DNAH1: variants seen among roughly 807,000 people sequenced by gnomAD.
DNAH1 encodes the protein dynein axonemal heavy chain 1.
In DNAH1, 327 loss-of-function variants were observed where a neutral mutation model predicts 484.3. The ratio of observed to expected loss-of-function variants is 0.68; its 90% CI spans 0.62 to 0.74. DNAH1 has a LOEUF of 0.74. Ranked by LOEUF, DNAH1 falls within the 30% of genes least tolerant of loss-of-function variation. The probability of loss-of-function intolerance (pLI) is 0.00; values close to 1 mark genes in which losing one functional copy is unlikely to be tolerated. For missense variants in DNAH1, 5,052 were observed against 5,546.8 expected (o/e 0.91, Z 2.83); for synonymous variants, 2,192 against 2,191.9 (o/e 1.00, Z 0.00).
chr3:52,378,565 CT>C (rs2153225031), intron 46 of DNAH1, 36 bp from the exon 47 acceptor site: 1 of 1,605,268 alleles, frequency 6.2e-7, no homozygotes, highest in East Asian at 2.2e-5. Flanking sequence ...GAGGGAGCTC[CT>C]GGCATGTGAC....
Position 52,345,441 on chromosome 3 carries a change from C to T in DNAH1, c.1445-54C>T, listed in dbSNP as rs1487468173. The T allele has an allele frequency of 1.0e-5, 15 of 1,467,046 alleles. No individual in the cohort carries two copies. In the Admixed American group the frequency reaches 1.2e-4, roughly 12 times the overall value. The allele number at this position is 1,467,046 out of a possible 1,614,324, so 90.9% of individuals were successfully genotyped here. A position where few individuals can be genotyped will look rare whatever the true frequency, so the allele number is the denominator to read the frequency against. ...AAGCACCCTGTGGATCTGTCCTGTC[C>T]CCTGGTTTGGCCAGGCAGGGTCTGA... is the stretch of plus-strand genomic sequence containing the variant. On this transcript the variant is annotated intron_variant, in intron 9 of 77. Transcript: ENST00000420323.
In DNAH1 at chr3:52,393,302, C is replaced by T. The variant is rs1027339285; in HGVS notation, c.10475-32C>T. On this transcript the variant is annotated intron_variant, in intron 65 of 77. Coordinates refer to ENST00000420323, the MANE Select transcript of DNAH1 (RefSeq NM_015512.5). ...CCGGGGCTCTTCCTTCCTCTCACCTCTCCGCGCTGCCATCACTTCTCCACT... is the reference window on the plus strand; with the variant it reads ...CCGGGGCTCTTCCTTCCTCTCACCTTTCCGCGCTGCCATCACTTCTCCACT... 5 of 1,611,664 alleles carry T rather than the reference C, an allele frequency of 3.1e-6. No individual in the cohort carries two copies. The East Asian group carries it at 1.1e-4, about 36-fold the overall frequency.
chr3:52,312,564 G>A (rs1700816395), upstream of DNAH1, among the ~76,000 whole-genome samples: 1 of 150,656 alleles, frequency 6.6e-6, no homozygotes, highest in Admixed American at 6.6e-5. Context: ...TCTGTCTCCT[G>A]GGTTCAGGCA....
At chr3:52,400,284 T>C (rs1578214105) in intron 77 of DNAH1, 41 bp from the exon 78 acceptor site, 1 of 1,611,562 alleles carries the variant, frequency 6.2e-7, no homozygotes, top group South Asian at 1.1e-5. Context: ...CTAGTAGTAA[T>C]AGGGCATGAC....
In DNAH1 at chr3:52,361,553, G is replaced by T. The variant is rs945497419; in HGVS notation, c.4875-108G>T. ...GTTGAAGACTGAGCTGATGGAGATT[G>T]CCCCTGAGGGCTTCCTCCCAAGTGG... On this transcript the variant is annotated intron_variant, in intron 29 of 77. Transcript: ENST00000420323. The surrounding 1 kb of genome is among the most constrained non-coding windows in gnomAD (Gnocchi z 5.6). The T allele has an allele frequency of 1.6e-5, 21 of 1,309,404 alleles. No individual in the cohort carries two copies. The highest frequency in any genetic ancestry group is 2.2e-5 in the Non-Finnish European group (21 of 944,922). 81.1% of individuals were successfully genotyped at this position (1,309,404 alleles called of 1,614,324 possible).
In DNAH1 at chr3:52,364,538, G is replaced by T; in HGVS notation, c.5245-100G>T. On this transcript the variant is annotated intron_variant, in intron 32 of 77. Coordinates refer to ENST00000420323, the MANE Select transcript of DNAH1 (RefSeq NM_015512.5). This position sits in a 1 kb window ranked among gnomAD's most constrained non-coding sequence, Gnocchi z 4.2. ...TGCAAGGGAAGTGCTATGAGCTGGT[G>T]ATGAGACTTGGCCAACTGCCAGGTG... 2 of 1,335,100 alleles carry T rather than the reference G, an allele frequency of 1.5e-6. No individual in the cohort carries two copies. The highest frequency in any genetic ancestry group is 2.1e-6 in the Non-Finnish European group (2 of 930,272). 82.7% of individuals were successfully genotyped at this position (1,335,100 alleles called of 1,614,324 possible). A position where few individuals can be genotyped will look rare whatever the true frequency, so the allele number is the denominator to read the frequency against.
At chr3:52,344,352 T>C (rs1578106732) in intron 8 of DNAH1, 138 bp from the exon 9 acceptor site, 1 of 1,026,530 alleles carries the variant, frequency 9.7e-7, no homozygotes. Flanking sequence ...CAGGGCCGGG[T>C]GGGGGTGTGC....
intron 26 of DNAH1, among the ~76,000 whole-genome samples, chr3:52,359,609 C>T (rs1355546490): frequency 1.3e-5 from 2 of 152,216 alleles, no homozygotes; most frequent in African/African-American, 2.4e-5. Context: ...GGGAGCCACG[C>T]GCCTGGTCCC....
intron 60 of DNAH1, among the ~76,000 whole-genome samples, chr3:52,389,942 T>C (rs1421859968): frequency 6.6e-6 from 1 of 152,242 alleles, no homozygotes; most frequent in Middle Eastern, 3.4e-3. Context: ...TGAAACCCCC[T>C]CTCTACTAAA....
At chr3:52,334,582 A>T (rs11706179) in intron 8 of DNAH1, among the ~76,000 whole-genome samples, 4 of 152,158 alleles carry the variant, frequency 2.6e-5, no homozygotes, top group African/African-American at 4.8e-5. Context: ...TGAGGCCAGG[A>T]GTAGAAGACT....
At chr3:52,360,550 C>G (rs1224978166) in intron 28 of DNAH1, 126 bp downstream of exon 28, 1 of 766,298 alleles carries the variant, frequency 1.3e-6, no homozygotes, top group East Asian at 2.7e-5. Context: ...AGGGTTAGGA[C>G]CAAGGGCTTT....
rs368069953 is a variant in DNAH1, at chr3:52,359,882, C to T, written c.4408-34C>T. The T allele has an allele frequency of 6.6e-5, 106 of 1,611,230 alleles. No individual in the cohort carries two copies. In the African/African-American group the frequency reaches 1.1e-3, roughly 16 times the overall value. ...GGGGAGGGTGAGCCTCCTCGTGGTA[C>T]CCTGATGTTTGACAGTGCACCCCAT... is the stretch of plus-strand genomic sequence containing the variant. On this transcript the variant is annotated intron_variant, in intron 26 of 77. Coordinates refer to ENST00000420323, the MANE Select transcript of DNAH1 (RefSeq NM_015512.5).
chr3:52,338,536 T>C (rs1164153033), intron 8 of DNAH1, among the ~76,000 whole-genome samples: 1 of 152,206 alleles, frequency 6.6e-6, no homozygotes, highest in Non-Finnish European at 1.5e-5. Flanking sequence ...TCCCGTCATC[T>C]CTTGGTTGTA....
intron 44 of DNAH1, chr3:52,374,875 C>A: frequency 3.7e-6 from 4 of 1,088,674 alleles, no homozygotes; most frequent in Non-Finnish European, 5.6e-6. Flanking sequence ...CTAGCCAAAG[C>A]CAATCCCCAG....
chr3:52,354,936 G>A lies in DNAH1; in HGVS notation c.3574G>A (p.Glu1192Lys), dbSNP rs773780728. The A allele has an allele frequency of 1.5e-5, 25 of 1,613,902 alleles. No homozygotes were observed. In the Admixed American group the frequency reaches 1.8e-4, roughly 12 times the overall value. Residue 1192 changes from glutamate to lysine, a missense_variant, in exon 21 of 78, where the codon GAG becomes AAG. Glu to Lys is a moderately conservative substitution (Grantham distance 56). This residue lies in a region of DNAH1 where 2,929 missense variants were observed against 3,409.4 expected (regional missense o/e 0.86). Coordinates refer to ENST00000420323, the MANE Select transcript of DNAH1 (RefSeq NM_015512.5). ...TDTYILKSPD[E>K]ASQLLDDHIV... is the part of the protein sequence containing the mutation. The stretch of plus-strand genomic sequence containing the variant: ...CACCTACATCCTGAAGAGCCCGGAC[G>A]AGGCCTCACAGCTGCTGGACGACCA...
rs139968110 is a variant in DNAH1 at position 52,325,739 on chromosome 3, A to G, written c.407-401A>G. Among the ~76,000 whole-genome samples, 641 of 152,282 alleles carry G rather than the reference A, an allele frequency of 4.2e-3. 7 individuals are homozygous for G. The highest frequency in any genetic ancestry group is 0.024 in the South Asian group (115 of 4,826). Reference sequence around the variant, plus strand: ...CTCAGGGAATGAATATCAGACTCCAATATGCTGAGGGGGCCTCTGCAGTAG... The same window carrying G: ...CTCAGGGAATGAATATCAGACTCCAGTATGCTGAGGGGGCCTCTGCAGTAG... On this transcript the variant is annotated intron_variant, in intron 3 of 77. Transcript: ENST00000420323.
chr3:52,361,180 A>G lies in DNAH1; in HGVS notation c.4702A>G (p.Thr1568Ala), dbSNP rs753046775. ...PLTDRCYLTL[T>A]GALHLKFGGA... is the part of the protein sequence containing the mutation. ...CTCCTGCAGGTGCTACCTGACACTG[A>G]CCGGAGCTCTGCACCTCAAGTTTGG... Residue 1568 changes from threonine to alanine, a missense_variant, in exon 29 of 78, where the codon ACC (threonine) becomes GCC (alanine). Around this residue, in one of 4 missense-constraint regions of DNAH1, gnomAD observed 2,929 missense variants for 3,409.4 expected, o/e 0.86. Transcript: ENST00000420323. This position sits in a 1 kb window ranked among gnomAD's most constrained non-coding sequence, Gnocchi z 5.6. 3.7e-6 allele frequency: 6 copies of G among 1,609,952 alleles called. No homozygotes were observed. The highest frequency in any genetic ancestry group is 5.1e-6 in the Non-Finnish European group (6 of 1,178,398).
intron 1 of DNAH1, chr3:52,317,778 G>C (rs1701001083): frequency 6.6e-6 from 1 of 152,298 alleles, no homozygotes; most frequent in African/African-American, 2.4e-5. Context: ...TAAGGGTTCA[G>C]GCTGGGGAGG....
chr3:52,378,498 C>A, intron 46 of DNAH1, 104 bp from the exon 47 acceptor site: 3 of 1,264,860 alleles, frequency 2.4e-6, no homozygotes, highest in Non-Finnish European at 2.3e-6. Context: ...GGGGAAGGGG[C>A]TTGGTGGGGG....
Sources: gnomAD v4.1 joint callset for allele counts (sites outside exome capture counted in the v4.1 genomes callset) on GRCh38, gnomAD v4.1.1 for gene constraint, gnomAD v4.1.1 regional missense constraint, Gnocchi (gnomAD v3.1) non-coding constraint, MANE v1.5 for transcripts, NCBI Gene and HGNC (gene_info 2026-07-23, HGNC 2026-07-21) for gene names.